Variants in KCNMA1 observed in about 807,000 individuals in gnomAD.
The protein encoded by KCNMA1 is Calcium-activated potassium channel subunit alpha-1.
Under a neutral mutation model 140.0 loss-of-function variants are expected in KCNMA1, and 29 were observed. That is an observed-to-expected ratio of 0.21 (90% confidence interval 0.15 to 0.28). The LOEUF (loss-of-function observed/expected upper bound fraction) is 0.28. Ranked by LOEUF, KCNMA1 falls within the 10% of genes least tolerant of loss-of-function variation. The pLI is 1.00. For missense variants in KCNMA1, 880 were observed against 1,602.2 expected, an observed-to-expected ratio of 0.55 and a Z score of 7.70; for synonymous variants, 612 against 611.9, an observed-to-expected ratio of 1.00 and a Z score of 0.00.
At chr10:77,297,356 G>T (rs1321364291) in intron 2 of KCNMA1, among the ~76,000 whole-genome samples, 1 of 152,154 alleles carries the variant, frequency 6.6e-6, no homozygotes, top group Non-Finnish European at 1.5e-5. Context: ...TTCAATATGA[G>T]ATTTTTAAAG....
At chr10:77,612,597 C>T (rs982756140) in intron 1 of KCNMA1, among the ~76,000 whole-genome samples, 16 of 152,164 alleles carry the variant, frequency 1.1e-4, no homozygotes, top group Non-Finnish European at 2.2e-4. Flanking sequence ...CAAGAACAGG[C>T]GGCTGCACAG....
At chr10:77,474,441 C>T (rs1174482949) in intron 1 of KCNMA1, among the ~76,000 whole-genome samples, 2 of 152,130 alleles carry the variant, frequency 1.3e-5, no homozygotes, top group African/African-American at 2.4e-5. Context: ...ACAAGGCGGC[C>T]ATCTACAAGA....
At chr10:77,400,636 G>A (rs1438104902) in intron 2 of KCNMA1, among the ~76,000 whole-genome samples, 1 of 152,208 alleles carries the variant, frequency 6.6e-6, no homozygotes, top group African/African-American at 2.4e-5. Context: ...AATGTTTTTA[G>A]ACAAATAATT....
chr10:77,306,153 G>A (rs1260006619), intron 2 of KCNMA1, among the ~76,000 whole-genome samples: 1 of 152,350 alleles, frequency 6.6e-6, no homozygotes, highest in East Asian at 1.9e-4. Context: ...CTGCTGAGCT[G>A]CAGGCTTCTG....
At position 77,184,979 on chromosome 10, in the gene KCNMA1, C is replaced by T. The variant is rs143155185; in HGVS notation, c.603-63G>A. ...ACAGGTAGTATCATCCTGTCTCCCACGATGCTGAGAAGTGGTAGTGCTTAG... is the reference window on the plus strand; with the variant it reads ...ACAGGTAGTATCATCCTGTCTCCCATGATGCTGAGAAGTGGTAGTGCTTAG... On this transcript the variant is annotated intron_variant, in intron 3 of 27. Coordinates refer to ENST00000286628, the MANE Select transcript of KCNMA1 (RefSeq NM_001161352.2). 79 of 966,934 alleles carry T rather than the reference C, an allele frequency of 8.2e-5. No homozygotes were observed. In the East Asian group the frequency reaches 1.4e-3, roughly 17 times the overall value. 59.9% of individuals were successfully genotyped at this position (966,934 alleles called of 1,614,324 possible). A position where few individuals can be genotyped will look rare whatever the true frequency, so the allele number is the denominator to read the frequency against.
intron 3 of KCNMA1, among the ~76,000 whole-genome samples, chr10:77,214,314 C>T (rs934755249): frequency 6.6e-6 from 1 of 152,162 alleles, no homozygotes; most frequent in Non-Finnish European, 1.5e-5. Flanking sequence ...TGGATGGCCT[C>T]GCCTCATCAT....
chr10:77,089,263 AG>A (rs1264545037), intron 10 of KCNMA1, among the ~76,000 whole-genome samples: 3 of 152,200 alleles, frequency 2.0e-5, no homozygotes, highest in Non-Finnish European at 4.4e-5. Context: ...GGGAGTTTGT[AG>A]GGAAGCCGAC....
chr10:77,418,055 C>A (rs1475287771), intron 1 of KCNMA1, among the ~76,000 whole-genome samples: 6 of 152,336 alleles, frequency 3.9e-5, no homozygotes, highest in South Asian at 2.1e-4. Flanking sequence ...CCCTGGGTTC[C>A]CACACACCCT....
intron 5 of KCNMA1, among the ~76,000 whole-genome samples, chr10:77,123,037 G>A (rs867513837): frequency 5.3e-5 from 8 of 151,128 alleles, no homozygotes; most frequent in Admixed American, 6.6e-5. Flanking sequence ...AAAATTAGCC[G>A]GGCGTGGTGG....
intron 1 of KCNMA1, among the ~76,000 whole-genome samples, chr10:77,433,148 CTATT>C (rs1278103127): frequency 6.6e-6 from 1 of 152,062 alleles, no homozygotes; most frequent in South Asian, 2.1e-4. Context: ...TCAAGAGAAA[CTATT>C]TATTTTTATT....
chr10:77,178,715 A>G (rs1424911610), intron 5 of KCNMA1, among the ~76,000 whole-genome samples: 1 of 152,136 alleles, frequency 6.6e-6, no homozygotes, highest in Non-Finnish European at 1.5e-5. Context: ...CACAAAAACA[A>G]AAACAAAAAA....
intron 2 of KCNMA1, among the ~76,000 whole-genome samples, chr10:77,364,315 G>T (rs923977100): frequency 1.3e-5 from 2 of 152,052 alleles, no homozygotes; most frequent in Admixed American, 6.5e-5. Context: ...GCCAGGTATG[G>T]TGGTGTGTGC....
chr10:76,958,151 G>A (rs1199162575), intron 20 of KCNMA1, among the ~76,000 whole-genome samples: 1 of 152,180 alleles, frequency 6.6e-6, no homozygotes. Context: ...TTTGTTGTAT[G>A]GAAAGGAGGA....
chr10:77,191,679 C>A (rs962277936), intron 3 of KCNMA1, among the ~76,000 whole-genome samples: 1 of 152,150 alleles, frequency 6.6e-6, no homozygotes, highest in African/African-American at 2.4e-5. Flanking sequence ...TGTGGTCAAT[C>A]ATCCATCAAT....
At chr10:77,065,551 A>G (rs2095903051) in intron 14 of KCNMA1, among the ~76,000 whole-genome samples, 1 of 152,130 alleles carries the variant, frequency 6.6e-6, no homozygotes, top group Non-Finnish European at 1.5e-5. Context: ...TAAGAAATAT[A>G]CCATATTCAT....
At chr10:77,571,257 T>G (rs1029423491) in intron 1 of KCNMA1, among the ~76,000 whole-genome samples, 7 of 152,360 alleles carry the variant, frequency 4.6e-5, no homozygotes, top group South Asian at 2.1e-4. Context: ...TCCTCATCTG[T>G]TTTGGATTTT....
chr10:77,027,517 A>G (rs2093568374), intron 16 of KCNMA1, among the ~76,000 whole-genome samples: 1 of 152,158 alleles, frequency 6.6e-6, no homozygotes. Flanking sequence ...GTTCTGGTTT[A>G]ATACTTAGAA....
chr10:77,117,539 CAAAAAAAAAAAA>C (rs56926398), intron 6 of KCNMA1, among the ~76,000 whole-genome samples: 7 of 22,514 alleles, frequency 3.1e-4, no homozygotes, highest in Non-Finnish European at 4.1e-4. Flanking sequence ...GAGTCTATCT[CAAAAAAAAAAAA>C]AAAAAAAAAA....
At chr10:77,487,613 A>G (rs1313182851) in intron 1 of KCNMA1, among the ~76,000 whole-genome samples, 1 of 152,168 alleles carries the variant, frequency 6.6e-6, no homozygotes, top group Non-Finnish European at 1.5e-5. Context: ...GTCATGGGCA[A>G]TTCTCTCACT....
Sources: allele counts gnomAD v4.1 joint callset (sites outside exome capture counted in the v4.1 genomes callset), GRCh38; gene constraint gnomAD v4.1.1; transcripts MANE v1.5; gene names NCBI Gene and HGNC (gene_info 2026-07-23, HGNC 2026-07-21).